The following CPED1 variants were observed in gnomAD, a reference collection of about 807,000 sequenced individuals.
CPED1 encodes the protein cadherin-like and PC-esterase domain-containing protein 1.
A neutral mutation model predicts 128.2 loss-of-function variants in CPED1; 114 were observed. The ratio of observed to expected loss-of-function variants is 0.89; its 90% CI spans 0.76 to 1.04. The LOEUF (loss-of-function observed/expected upper bound fraction) is 1.04, where lower values mean the gene tolerates loss of function less well. Ranked by LOEUF, CPED1 falls within the 50% of genes least tolerant of loss-of-function variation. The probability of loss-of-function intolerance (pLI) is 0.00; values close to 1 mark genes in which losing one functional copy is unlikely to be tolerated. For missense variants in CPED1, 1,211 were observed against 1,207.1 expected, an observed-to-expected ratio of 1.00 and a Z score of -0.05; for synonymous variants, 462 against 426.7, an observed-to-expected ratio of 1.08 and a Z score of -1.02.
chr7:121,233,927 C>T (rs1427927364), intron 16 of CPED1, among the ~76,000 whole-genome samples: 1 of 152,076 alleles, frequency 6.6e-6, no homozygotes, highest in African/African-American at 2.4e-5. Context: ...TGCTTCATGG[C>T]CACAAGATGG....
intron 16 of CPED1, among the ~76,000 whole-genome samples, chr7:121,216,495 G>C (rs1041702597): frequency 6.6e-6 from 1 of 151,972 alleles, no homozygotes; most frequent in Non-Finnish European, 1.5e-5. Flanking sequence ...TGGGTTAAAA[G>C]AAAGAAGGGG....
intron 7 of CPED1, among the ~76,000 whole-genome samples, chr7:121,113,607 T>C (rs1048843484): frequency 1.3e-5 from 2 of 152,018 alleles, no homozygotes; most frequent in Non-Finnish European, 2.9e-5. Context: ...AATTTGAATG[T>C]CCTTAAGAGA....
chr7:121,112,464 C>G (rs1330475920), intron 7 of CPED1, among the ~76,000 whole-genome samples: 1 of 109,494 alleles, frequency 9.1e-6, no homozygotes, highest in African/African-American at 3.5e-5. Context: ...TTTGCACCCA[C>G]AAGCCAAGGA....
rs1792121470 is a variant in CPED1 at position 121,266,322 on chromosome 7, C to A, written c.2406C>A (p.Gly802=). 2 of 1,613,066 alleles carry A rather than the reference C, an allele frequency of 1.2e-6. No homozygotes were observed. Among genetic ancestry groups the A allele is most frequent in the Non-Finnish European group, 1.7e-6 (2 of 1,179,296 alleles). ...ETLQEWQKVH[G]TKFYHNVNGG... The stretch of plus-strand genomic sequence containing the variant: ...TGCAGGAATGGCAGAAAGTACATGG[C>A]ACTAAATTCTATCACAACGTCAATG... Residue 802 remains glycine (G), a synonymous_variant, in exon 19 of 23, where the codon GGC becomes GGA. Transcript: ENST00000310396.
chr7:121,097,001 TA>T (rs1794716657), intron 5 of CPED1, among the ~76,000 whole-genome samples: 4 of 152,188 alleles, frequency 2.6e-5, no homozygotes, highest in Non-Finnish European at 5.9e-5. Flanking sequence ...AGTTAATACG[TA>T]AGCATTGGTT....
At chr7:121,280,187 A>G (rs1260405519) in intron 22 of CPED1, among the ~76,000 whole-genome samples, 1 of 152,218 alleles carries the variant, frequency 6.6e-6, no homozygotes, top group Non-Finnish European at 1.5e-5. Context: ...AATAGAGCAA[A>G]AGAGGAATTA....
rs753784399 is a variant in CPED1, at chr7:121,097,735, A to G, written c.653A>G (p.Asp218Gly). 4 of 1,613,750 alleles carry G rather than the reference A, an allele frequency of 2.5e-6. No individual in the cohort carries two copies. The highest frequency in any genetic ancestry group is 3.4e-6 in the Non-Finnish European group (4 of 1,179,826). The change falls in exon 6 of 23, where the codon GAT (aspartate) becomes GGT (glycine). Residue 218 changes from aspartate to glycine, a missense_variant. By Grantham distance (94) the Asp-to-Gly change is moderately conservative. Coordinates refer to ENST00000310396, the MANE Select transcript of CPED1 (RefSeq NM_024913.5). ...QLPVSPSVCL[D>G]QGMQLKPSTS... ...CCAGTGAGTCCCTCTGTGTGTCTGG[A>G]TCAGGGAATGCAATTAAAGCCGAGT...
intron 17 of CPED1, among the ~76,000 whole-genome samples, chr7:121,239,258 C>CT (rs143226857): frequency 0.015 from 2,318 of 151,470 alleles, 59 homozygotes; most frequent in African/African-American, 0.052. Flanking sequence ...AAAACTGGAT[C>CT]TTTTTCTTTT....
chr7:121,090,888 G>A (rs1396224905), intron 5 of CPED1, among the ~76,000 whole-genome samples: 2 of 152,080 alleles, frequency 1.3e-5, no homozygotes, highest in Non-Finnish European at 2.9e-5. Flanking sequence ...GGCAGAGGTT[G>A]TAGTGAGCCG....
intron 21 of CPED1, among the ~76,000 whole-genome samples, chr7:121,270,324 A>G (rs1323276677): frequency 6.6e-6 from 1 of 152,082 alleles, no homozygotes; most frequent in Non-Finnish European, 1.5e-5. Flanking sequence ...ATTTTCTCCC[A>G]TTCTGTAGAT....
chr7:121,087,665 C>CTTTTTTTTTTTTTTTTTTT lies in CPED1; in HGVS notation c.617-10033_617-10032insTTTTTTTTTTTTTTTTTTT, dbSNP rs72453872. On this transcript the variant is annotated intron_variant, in intron 5 of 22. Coordinates refer to ENST00000310396, the MANE Select transcript of CPED1 (RefSeq NM_024913.5). ...GGATTCTTTCTTTTTCTTTTCTTTC[C>CTTTTTTTTTTTTTTTTTTT]TGTTTTTTTTTTTTTGGCAGAGTCT... Among the ~76,000 whole-genome samples the CTTTTTTTTTTTTTTTTTTT allele has an allele frequency of 3.0e-5, 4 of 131,570 alleles. 1 individual carries two copies. The highest frequency in any genetic ancestry group is 7.6e-5 in the Admixed American group (1 of 13,180). The allele number at this position is 131,570 out of a possible 152,430, so 86.3% of individuals were successfully genotyped here.
intron 16 of CPED1, among the ~76,000 whole-genome samples, chr7:121,205,359 T>C (rs937720646): frequency 1.3e-5 from 2 of 152,074 alleles, no homozygotes; most frequent in Non-Finnish European, 2.9e-5. Context: ...ATCCCTCTTA[T>C]ATTTTTCACC....
chr7:120,994,654 TG>T lies in CPED1; in HGVS notation c.249+4785del, dbSNP rs1184390828. Among the ~76,000 whole-genome samples the T allele has an allele frequency of 5.4e-3, 765 of 141,594 alleles. 6 individuals carry two copies. Among genetic ancestry groups the T allele is most frequent in the African/African-American group, 0.016 (593 of 37,564 alleles). 92.9% of individuals were successfully genotyped at this position (141,594 alleles called of 152,430 possible). On this transcript the variant is annotated intron_variant, in intron 2 of 22. Coordinates refer to ENST00000310396, the MANE Select transcript of CPED1 (RefSeq NM_024913.5). ...GTGTGTGTGTGTGTGTGTGTGTGTGTGTGTGTTGTTGTTGTTGTTACTGATG... is the reference window on the plus strand; with the variant it reads ...GTGTGTGTGTGTGTGTGTGTGTGTGTTGTGTTGTTGTTGTTGTTACTGATG...
At chr7:121,287,325 G>A (rs949638188) in intron 22 of CPED1, among the ~76,000 whole-genome samples, 2 of 152,070 alleles carry the variant, frequency 1.3e-5, no homozygotes, top group South Asian at 2.1e-4. Flanking sequence ...GGGTTATGGT[G>A]TCTTCCTGGA....
At chr7:121,071,179 A>C (rs1362042316) in intron 5 of CPED1, among the ~76,000 whole-genome samples, 1 of 152,168 alleles carries the variant, frequency 6.6e-6, no homozygotes, top group Non-Finnish European at 1.5e-5. Context: ...AGACAGGAGC[A>C]AGTGGTCTCA....
chr7:121,214,982 C>T (rs982165083), intron 16 of CPED1, among the ~76,000 whole-genome samples: 1 of 151,938 alleles, frequency 6.6e-6, no homozygotes, highest in African/African-American at 2.4e-5. Flanking sequence ...TGCAGCAGAC[C>T]GTATTCCATA....
intron 2 of CPED1, among the ~76,000 whole-genome samples, chr7:121,001,387 C>T (rs1469495908): frequency 1.3e-5 from 2 of 152,018 alleles, no homozygotes; most frequent in East Asian, 3.8e-4. Context: ...CTGATCTTGA[C>T]AAATTGAAGC....
intron 18 of CPED1, among the ~76,000 whole-genome samples, chr7:121,264,138 T>C (rs1792077127): frequency 6.6e-6 from 1 of 152,058 alleles, no homozygotes; most frequent in African/African-American, 2.4e-5. Context: ...GAGAGGGCCT[T>C]GGAAGGAACC....
chr7:121,185,964 A>G (rs1796992323), intron 16 of CPED1, among the ~76,000 whole-genome samples: 1 of 152,218 alleles, frequency 6.6e-6, no homozygotes, highest in South Asian at 2.1e-4. Flanking sequence ...CTGATTAGTC[A>G]TATATCGTGT....
Sources: gnomAD v4.1 joint callset for allele counts (sites outside exome capture counted in the v4.1 genomes callset) on GRCh38, gnomAD v4.1.1 for gene constraint, MANE v1.5 for transcripts, NCBI Gene and HGNC (gene_info 2026-07-23, HGNC 2026-07-21) for gene names.